CBFA2T2: variants seen among roughly 807,000 people sequenced by gnomAD.
CBFA2T2 encodes CBFA2/RUNX1 partner transcriptional co-repressor 2, also known as protein CBFA2T2.
Under a neutral mutation model 62.2 loss-of-function variants are expected in CBFA2T2, and 11 were observed. The ratio of observed to expected loss-of-function variants is 0.18; its 90% CI spans 0.11 to 0.29. The LOEUF is 0.29. Ranked by LOEUF, CBFA2T2 falls within the 10% of genes least tolerant of loss-of-function variation. CBFA2T2 has a pLI of 1.00. For missense variants in CBFA2T2, 592 were observed against 774.1 expected (o/e 0.76, Z 2.79); for synonymous variants, 295 against 287.5 (o/e 1.03, Z -0.27).
chr20:33,615,892 T>C (rs954960848), intron 3 of CBFA2T2, among the ~76,000 whole-genome samples: 2 of 152,140 alleles, frequency 1.3e-5, no homozygotes, highest in African/African-American at 4.8e-5. Flanking sequence ...ATGTTGAGTT[T>C]AAGAGTAAAA....
chr20:33,607,745 T>C (rs1247113145), intron 2 of CBFA2T2, among the ~76,000 whole-genome samples: 6 of 152,174 alleles, frequency 3.9e-5, no homozygotes, highest in Admixed American at 3.3e-4. Flanking sequence ...GGACTACTCA[T>C]AATACCTCTT....
At chr20:33,586,380 C>T (rs919630398) in intron 1 of CBFA2T2, among the ~76,000 whole-genome samples, 11 of 152,010 alleles carry the variant, frequency 7.2e-5, no homozygotes, top group East Asian at 3.9e-4. Context: ...ATGATCCGCT[C>T]GCCTCAGCCT....
intron 1 of CBFA2T2, among the ~76,000 whole-genome samples, chr20:33,582,257 CT>C (rs748692058): frequency 2.6e-5 from 4 of 151,810 alleles, no homozygotes; most frequent in Non-Finnish European, 4.4e-5. Context: ...CTTTGGGAGG[CT>C]GAGGTGGGTG....
chr20:33,565,268 G>T (rs2013260833), intron 1 of CBFA2T2, among the ~76,000 whole-genome samples: 1 of 152,130 alleles, frequency 6.6e-6, no homozygotes, highest in Non-Finnish European at 1.5e-5. Context: ...GTAAAAATTT[G>T]GGGGCATCTC....
intron 1 of CBFA2T2, among the ~76,000 whole-genome samples, chr20:33,573,715 C>T (rs766011849): frequency 2.0e-5 from 3 of 151,936 alleles, no homozygotes; most frequent in African/African-American, 4.8e-5. Flanking sequence ...CTCCTGACCT[C>T]GTGATCCGCC....
intron 8 of CBFA2T2, among the ~76,000 whole-genome samples, chr20:33,632,028 C>A (rs1378464026): frequency 6.6e-6 from 1 of 151,990 alleles, no homozygotes; most frequent in Non-Finnish European, 1.5e-5. Context: ...GAAATTAGTT[C>A]TTTTTGTTTG....
At chr20:33,603,933 C>G (rs2122279630) in intron 1 of CBFA2T2, among the ~76,000 whole-genome samples, 1 of 152,270 alleles carries the variant, frequency 6.6e-6, no homozygotes, top group African/African-American at 2.4e-5. Context: ...GTTAAAATGC[C>G]TACTTTGGAA....
intron 4 of CBFA2T2, 44 bp downstream of exon 4, chr20:33,619,650 T>C: frequency 7.4e-7 from 1 of 1,353,972 alleles, no homozygotes; most frequent in East Asian, 2.4e-5. Context: ...GAATATTTCC[T>C]CAAATTCTGC....
chr20:33,587,112 G>A (rs1388130483), intron 1 of CBFA2T2, among the ~76,000 whole-genome samples: 1 of 150,562 alleles, frequency 6.6e-6, no homozygotes, highest in African/African-American at 2.4e-5. Flanking sequence ...TGGCGAATTC[G>A]ATGGCATCTT....
chr20:33,593,850 C>T (rs1048643836), intron 1 of CBFA2T2, among the ~76,000 whole-genome samples: 20 of 152,164 alleles, frequency 1.3e-4, no homozygotes, highest in Admixed American at 6.5e-5. Context: ...GACCTTTCCC[C>T]TTCTGTCCAC....
At chr20:33,579,811 CTCTCTCT>C (rs1601000935) in intron 1 of CBFA2T2, among the ~76,000 whole-genome samples, 3 of 125,410 alleles carry the variant, frequency 2.4e-5, no homozygotes, top group African/African-American at 3.2e-5. Context: ...CTCTCTCTCT[CTCTCTCT>C]TTTTTTTTTT....
At chr20:33,513,996 G>A (rs1021481036) in intron 1 of CBFA2T2, among the ~76,000 whole-genome samples, 1 of 150,134 alleles carries the variant, frequency 6.7e-6, no homozygotes, top group Non-Finnish European at 1.5e-5. Flanking sequence ...TGCCTCCTGG[G>A]TTCCAGCAAT....
intron 1 of CBFA2T2, among the ~76,000 whole-genome samples, chr20:33,569,988 A>G (rs1269887246): frequency 2.6e-5 from 4 of 152,182 alleles, no homozygotes; most frequent in Non-Finnish European, 4.4e-5. Flanking sequence ...GAGCCCAGTC[A>G]TTCAAGACAA....
At chr20:33,635,590 T>G (rs1377297645) in intron 8 of CBFA2T2, among the ~76,000 whole-genome samples, 1 of 152,212 alleles carries the variant, frequency 6.6e-6, no homozygotes, top group Admixed American at 6.5e-5. Context: ...CATAGCAGCC[T>G]GGCACAATGG....
intron 1 of CBFA2T2, among the ~76,000 whole-genome samples, chr20:33,550,487 T>G (rs2012708781): frequency 6.6e-6 from 1 of 152,222 alleles, no homozygotes; most frequent in Admixed American, 6.5e-5. Context: ...CAGCATATTT[T>G]AATTTATTTA....
chr20:33,631,167 A>C (rs2016435364), intron 8 of CBFA2T2, among the ~76,000 whole-genome samples: 1 of 151,932 alleles, frequency 6.6e-6, no homozygotes, highest in South Asian at 2.1e-4. Context: ...ACAAAAAATT[A>C]GCCAGGCGTG....
At chr20:33,628,319 A>C in intron 6 of CBFA2T2, 31 bp from the exon 7 acceptor site, 1 of 1,482,228 alleles carries the variant, frequency 6.7e-7, no homozygotes. Context: ...TTTTCCTGCT[A>C]TCTTTGAATT....
intron 1 of CBFA2T2, among the ~76,000 whole-genome samples, chr20:33,526,522 T>C (rs146899789): frequency 3.3e-5 from 5 of 152,220 alleles, no homozygotes; most frequent in Admixed American, 6.5e-5. Flanking sequence ...TTGGCTATTA[T>C]AAATAAAGCC....
chr20:33,598,367 A>G (rs534331283), intron 1 of CBFA2T2, among the ~76,000 whole-genome samples: 37 of 152,172 alleles, frequency 2.4e-4, no homozygotes, highest in African/African-American at 7.7e-4. Context: ...TTATAAGCCT[A>G]TACATCCAGG....
Sources: allele counts gnomAD v4.1 joint callset (sites outside exome capture counted in the v4.1 genomes callset), GRCh38; gene constraint gnomAD v4.1.1; transcripts MANE v1.5; gene names NCBI Gene and HGNC (gene_info 2026-07-23, HGNC 2026-07-21).